TMEM108: variants seen among roughly 807,000 people sequenced by gnomAD.
TMEM108 encodes transmembrane protein 108, also known as cancer/testis antigen 124.
TMEM108 carries 12 observed loss-of-function variants against 35.1 expected under a neutral mutation model. The observed-to-expected ratio is 0.34, with a 90% confidence interval of 0.22 to 0.55. The LOEUF is 0.55. TMEM108 is among the 20% of genes least tolerant of loss of function. TMEM108 has a pLI of 0.89. For synonymous variants in TMEM108, 287 were observed against 308.6 expected, an observed-to-expected ratio of 0.93 and a Z score of 0.73; for missense variants, 680 against 753.3, an observed-to-expected ratio of 0.90 and a Z score of 1.14.
At chr3:133,154,856 TATA>T (rs201887601) in intron 2 of TMEM108, among the ~76,000 whole-genome samples, 3 of 151,210 alleles carry the variant, frequency 2.0e-5, no homozygotes, top group African/African-American at 7.4e-5. Context: ...AAACTTAAAG[TATA>T]ATAATAATTA....
At chr3:133,351,308 C>A (rs574967207) in intron 3 of TMEM108, among the ~76,000 whole-genome samples, 1 of 152,148 alleles carries the variant, frequency 6.6e-6, no homozygotes. Flanking sequence ...ATCACCCTTA[C>A]GGCCCTGCTT....
chr3:133,222,042 T>C (rs1351131556), intron 2 of TMEM108, among the ~76,000 whole-genome samples: 1 of 152,202 alleles, frequency 6.6e-6, no homozygotes, highest in African/African-American at 2.4e-5. Flanking sequence ...TGTTTTCTTG[T>C]ATTAATTAGT....
rs564152513 is a variant in TMEM108, at chr3:133,340,450, C to A, written c.41-39302C>A. 1.8e-4 allele frequency among the ~76,000 whole-genome samples: 28 copies of A among 151,492 alleles called. No individual in the cohort carries two copies. The South Asian group carries it at 5.6e-3, about 30-fold the overall frequency. ...AGAGCAAACCTTTAGTAACAGTTCT[C>A]CTAGCAAAGAAAAGCCCAGTCTCTG... On this transcript the variant is annotated intron_variant, in intron 3 of 5. Coordinates refer to ENST00000321871, the MANE Select transcript of TMEM108 (RefSeq NM_023943.4).
chr3:133,174,396 C>A (rs985634589), intron 2 of TMEM108, among the ~76,000 whole-genome samples: 1 of 152,214 alleles, frequency 6.6e-6, no homozygotes, highest in African/African-American at 2.4e-5. Flanking sequence ...GGGTCCCTGA[C>A]CCCCGAGTAG....
intron 3 of TMEM108, among the ~76,000 whole-genome samples, chr3:133,310,268 T>G (rs2071107550): frequency 6.6e-6 from 1 of 152,174 alleles, no homozygotes. Context: ...GTTAACCTTC[T>G]GTCTCGTTGA....
intron 2 of TMEM108, among the ~76,000 whole-genome samples, chr3:133,073,510 C>CTATATATATATATATATATATA (rs1183039173): frequency 2.3e-5 from 1 of 43,920 alleles, no homozygotes; most frequent in Non-Finnish European, 3.9e-5. Context: ...CTCTCTCTCT[C>CTATATATATATATATATATATA]TATATATATA....
chr3:133,084,684 A>G (rs1395237899), intron 2 of TMEM108, among the ~76,000 whole-genome samples: 1 of 152,218 alleles, frequency 6.6e-6, no homozygotes, highest in African/African-American at 2.4e-5. Flanking sequence ...CACATATATT[A>G]CGTCATTACT....
At chr3:133,225,042 ATTTTTTTT>A (rs11347955) in intron 2 of TMEM108, among the ~76,000 whole-genome samples, 1 of 112,938 alleles carries the variant, frequency 8.9e-6, no homozygotes, top group Non-Finnish European at 1.8e-5. Flanking sequence ...AAACCTCCTA[ATTTTTTTT>A]TTTTTTTTTT....
At chr3:133,395,248 C>G (rs906068103) in intron 5 of TMEM108, among the ~76,000 whole-genome samples, 1 of 152,188 alleles carries the variant, frequency 6.6e-6, no homozygotes, top group Non-Finnish European at 1.5e-5. Flanking sequence ...CCATTCAGCT[C>G]AGCATCACTA....
chr3:133,122,447 G>A (rs1397281620), intron 2 of TMEM108, among the ~76,000 whole-genome samples: 1 of 152,000 alleles, frequency 6.6e-6, no homozygotes, highest in Non-Finnish European at 1.5e-5. Context: ...AGTTACGCAG[G>A]GATACCTGAA....
Position 133,396,055 on chromosome 3 carries a change from T to A in TMEM108, c.*69T>A. The A allele has an allele frequency of 9.1e-7, 1 of 1,102,328 alleles. No homozygotes were observed. Among genetic ancestry groups the A allele is most frequent in the Non-Finnish European group, 1.2e-6 (1 of 867,336 alleles). The allele number at this position is 1,102,328 out of a possible 1,614,324, so 68.3% of individuals were successfully genotyped here. A position where few individuals can be genotyped will look rare whatever the true frequency, so the allele number is the denominator to read the frequency against. On this transcript the variant is annotated 3_prime_UTR_variant, in exon 6 of 6. Transcript: ENST00000321871. Reference sequence around the variant, plus strand: ...AATTATAAATATACAAATACATATATTATAAATATAACCTTTGTGTAACCC... The same window carrying A: ...AATTATAAATATACAAATACATATAATATAAATATAACCTTTGTGTAACCC...
chr3:133,072,164 A>G (rs1943683751), intron 2 of TMEM108, among the ~76,000 whole-genome samples: 1 of 152,158 alleles, frequency 6.6e-6, no homozygotes, highest in African/African-American at 2.4e-5. Flanking sequence ...TTCTAAGCTT[A>G]CCAGATCATT....
chr3:133,284,552 A>G (rs113414680), intron 3 of TMEM108, among the ~76,000 whole-genome samples: 126 of 152,314 alleles, frequency 8.3e-4, no homozygotes, highest in African/African-American at 3.0e-3. Context: ...CTCTTTGCAT[A>G]GGATAGGAGC....
intron 3 of TMEM108, among the ~76,000 whole-genome samples, chr3:133,328,139 TAC>T (rs1246002533): frequency 6.6e-6 from 1 of 152,200 alleles, no homozygotes; most frequent in East Asian, 1.9e-4. Flanking sequence ...CATTCAGAAC[TAC>T]AGTTAGATGT....
intron 2 of TMEM108, among the ~76,000 whole-genome samples, chr3:133,079,372 CTAT>C (rs1943782410): frequency 6.6e-6 from 1 of 152,138 alleles, no homozygotes; most frequent in South Asian, 2.1e-4. Context: ...GTTTGGGTTG[CTAT>C]ACCAGAATAA....
chr3:133,047,852 G>A (rs1943358922), intron 2 of TMEM108, among the ~76,000 whole-genome samples: 1 of 152,154 alleles, frequency 6.6e-6, no homozygotes, highest in Non-Finnish European at 1.5e-5. Context: ...ATAGTACTGT[G>A]TGACTCCTTG....
chr3:133,322,771 A>G (rs1017522087), intron 3 of TMEM108, among the ~76,000 whole-genome samples: 3 of 152,208 alleles, frequency 2.0e-5, no homozygotes, highest in Non-Finnish European at 4.4e-5. Flanking sequence ...AACATCAACA[A>G]AATACTAGCT....
At chr3:133,216,264 A>G (rs1431313318) in intron 2 of TMEM108, among the ~76,000 whole-genome samples, 1 of 152,080 alleles carries the variant, frequency 6.6e-6, no homozygotes, top group East Asian at 1.9e-4. Flanking sequence ...GACTCAGTGC[A>G]AGTGATATAT....
rs139603015 is a variant in TMEM108, at chr3:133,160,685, T to C, written c.-46-68581T>C. 3.5e-3 allele frequency among the ~76,000 whole-genome samples: 535 copies of C among 152,358 alleles called. 4 individuals carry two copies. The highest frequency in any genetic ancestry group is 0.012 in the African/African-American group (507 of 41,580). ...CAATTCCTTGCTGTCACTGCTAACCTATCTGTGCCTTCAAACCTCTGTTGA... is the reference window on the plus strand; with the variant it reads ...CAATTCCTTGCTGTCACTGCTAACCCATCTGTGCCTTCAAACCTCTGTTGA... On this transcript the variant is annotated intron_variant, in intron 2 of 5. Coordinates refer to ENST00000321871, the MANE Select transcript of TMEM108 (RefSeq NM_023943.4).
Sources: allele counts gnomAD v4.1 joint callset (sites outside exome capture counted in the v4.1 genomes callset), GRCh38; gene constraint gnomAD v4.1.1; transcripts MANE v1.5; gene names NCBI Gene and HGNC (gene_info 2026-07-23, HGNC 2026-07-21).